AK5: variants seen among roughly 807,000 people sequenced by gnomAD.
AK5 encodes the protein adenylate kinase isoenzyme 5.
In AK5, 27 loss-of-function variants were observed where a neutral mutation model predicts 69.5. The observed-to-expected ratio is 0.39, with a 90% CI of 0.29 to 0.54. The LOEUF (loss-of-function observed/expected upper bound fraction) is 0.54. Ranked by LOEUF, AK5 falls within the 20% of genes least tolerant of loss-of-function variation. The pLI is 0.71. For synonymous variants in AK5, 260 were observed against 244.4 expected, an observed-to-expected ratio of 1.06 and a Z score of -0.60; for missense variants, 531 against 700.4, an observed-to-expected ratio of 0.76 and a Z score of 2.73.
rs1245535981 is a variant in AK5 at position 77,293,976 on chromosome 1, GC to G, written c.415+17del. The stretch of plus-strand genomic sequence containing the variant: ...CTTGTTATAGGTATGAGGACAGAAA[GC>G]AAAAATTCTCATACCGTTGCTGCCT... On this transcript the variant is annotated intron_variant, in intron 3 of 13. Transcript: ENST00000354567. 1.9e-6 allele frequency: 3 copies of G among 1,598,300 alleles called. No homozygotes were observed. Among genetic ancestry groups the G allele is most frequent in the Non-Finnish European group, 2.6e-6 (3 of 1,175,502 alleles).
chr1:77,539,329 G>T (rs1659149321), intron 13 of AK5, among the ~76,000 whole-genome samples: 1 of 152,204 alleles, frequency 6.6e-6, no homozygotes, highest in Admixed American at 6.5e-5. Flanking sequence ...TTTTGGAGAT[G>T]CTGGCTGCTG....
chr1:77,461,286 A>G (rs1209125698), intron 8 of AK5, among the ~76,000 whole-genome samples: 1 of 138,948 alleles, frequency 7.2e-6, no homozygotes, highest in South Asian at 2.3e-4. Flanking sequence ...ACCCACCTCG[A>G]CCTCCCAAAG....
chr1:77,536,984 C>T (rs1244440724), intron 13 of AK5, among the ~76,000 whole-genome samples: 2 of 152,110 alleles, frequency 1.3e-5, no homozygotes, highest in African/African-American at 4.8e-5. Flanking sequence ...TCCACTCATC[C>T]CATAACTATG....
chr1:77,418,355 G>A (rs1650566365), intron 8 of AK5, among the ~76,000 whole-genome samples: 1 of 152,136 alleles, frequency 6.6e-6, no homozygotes, highest in African/African-American at 2.4e-5. Flanking sequence ...CCGCCCCTGT[G>A]ATTCAGTCAT....
At chr1:77,434,920 TA>T (rs1651868248) in intron 8 of AK5, among the ~76,000 whole-genome samples, 1 of 152,150 alleles carries the variant, frequency 6.6e-6, no homozygotes, top group African/African-American at 2.4e-5. Flanking sequence ...CATGGCTCTT[TA>T]AAAAAGTGAA....
At chr1:77,491,451 C>T (rs1009919747) in intron 10 of AK5, among the ~76,000 whole-genome samples, 4 of 152,068 alleles carry the variant, frequency 2.6e-5, no homozygotes, top group East Asian at 1.9e-4. Flanking sequence ...GGATTACAGG[C>T]GCCTGCCATG....
At chr1:77,285,096 A>G (rs1376772998) in intron 1 of AK5, among the ~76,000 whole-genome samples, 3 of 152,204 alleles carry the variant, frequency 2.0e-5, no homozygotes, top group Non-Finnish European at 4.4e-5. Context: ...AGGAGTTTCT[A>G]GTTGAGTAAA....
chr1:77,473,137 T>G lies in AK5; in HGVS notation c.1060-10180T>G, dbSNP rs140753853. 2.6e-5 allele frequency among the ~76,000 whole-genome samples: 4 copies of G among 151,864 alleles called. No homozygotes were observed. In the East Asian group the frequency reaches 5.8e-4, roughly 22 times the overall value. ...TGGGAGGATTATTCTACCACAGAAC[T>G]CAGTAAATATTGGTTGAATTGTTGC... On this transcript the variant is annotated intron_variant, in intron 8 of 13. Coordinates refer to ENST00000354567, the MANE Select transcript of AK5 (RefSeq NM_174858.3).
At chr1:77,545,738 C>T (rs957140980) in intron 13 of AK5, among the ~76,000 whole-genome samples, 7 of 152,294 alleles carry the variant, frequency 4.6e-5, no homozygotes, top group Admixed American at 3.9e-4. Context: ...AGCAGTGCCC[C>T]ACCTTCACTG....
At position 77,530,243 on chromosome 1, in the gene AK5, A is replaced by G. The variant is rs1022374902; in HGVS notation, c.1429-5604A>G. ...TCTGCTCTCTTCTGATTCCCGGTTC[A>G]CTGCAGAACTTAGAGCTGCGTAATG... On this transcript the variant is annotated intron_variant, in intron 12 of 13. Transcript: ENST00000354567. Among the ~76,000 whole-genome samples, 6 of 152,178 alleles carry G rather than the reference A, an allele frequency of 3.9e-5. No individual in the cohort carries two copies. In the East Asian group the frequency reaches 1.2e-3, roughly 29 times the overall value.
intron 5 of AK5, among the ~76,000 whole-genome samples, chr1:77,325,272 TG>T (rs993336207): frequency 1.3e-5 from 2 of 152,000 alleles, no homozygotes; most frequent in Non-Finnish European, 2.9e-5. Flanking sequence ...CCCAAAGTGT[TG>T]GGATTACAGG....
intron 6 of AK5, among the ~76,000 whole-genome samples, chr1:77,343,690 G>A (rs1205028853): frequency 1.3e-5 from 2 of 152,154 alleles, no homozygotes; most frequent in Admixed American, 6.6e-5. Context: ...TCCTACCTCA[G>A]TGTGATTATG....
chr1:77,290,111 G>A (rs1279930247), intron 2 of AK5, among the ~76,000 whole-genome samples: 2 of 152,118 alleles, frequency 1.3e-5, no homozygotes, highest in Non-Finnish European at 2.9e-5. Context: ...GGATCTTTTA[G>A]TTAATCATCA....
At chr1:77,320,542 A>C (rs1660475457) in intron 5 of AK5, among the ~76,000 whole-genome samples, 1 of 152,096 alleles carries the variant, frequency 6.6e-6, no homozygotes, top group Admixed American at 6.5e-5. Context: ...TGAGGTCAGG[A>C]GTTTGGGACC....
chr1:77,290,841 A>G (rs1194708205), intron 2 of AK5, among the ~76,000 whole-genome samples: 3 of 152,206 alleles, frequency 2.0e-5, no homozygotes, highest in African/African-American at 7.2e-5. Context: ...AGGAAAGAAC[A>G]GACATGGCAC....
In AK5 at chr1:77,465,023, G is replaced by A. The variant is rs1461524300; in HGVS notation, c.1060-18294G>A. 3.9e-5 allele frequency among the ~76,000 whole-genome samples: 6 copies of A among 152,266 alleles called. No individual in the cohort carries two copies. In the East Asian group the frequency reaches 9.6e-4, roughly 24 times the overall value. Reference sequence around the variant, plus strand: ...ACTTTGTGGTTGCTCTTGGAAAGAGGGAGCAGCGTCTTCCCTTTGCTTCTC... The same window carrying A: ...ACTTTGTGGTTGCTCTTGGAAAGAGAGAGCAGCGTCTTCCCTTTGCTTCTC... On this transcript the variant is annotated intron_variant, in intron 8 of 13. Coordinates refer to ENST00000354567, the MANE Select transcript of AK5 (RefSeq NM_174858.3).
intron 8 of AK5, among the ~76,000 whole-genome samples, chr1:77,470,856 TATATATATATATATATA>T (rs1383817470): frequency 0.28 from 5,596 of 20,346 alleles, 1,143 homozygotes; most frequent in Non-Finnish European, 0.33. Context: ...TATATATATA[TATATATATATATATATA>T]TATTTTTTTT....
chr1:77,545,625 C>G (rs1302488474), intron 13 of AK5, among the ~76,000 whole-genome samples: 1 of 152,184 alleles, frequency 6.6e-6, no homozygotes, highest in Non-Finnish European at 1.5e-5. Context: ...TTCATTTCTA[C>G]TCCCCTGGCT....
intron 6 of AK5, among the ~76,000 whole-genome samples, chr1:77,404,696 A>G (rs1649500370): frequency 1.3e-5 from 2 of 152,218 alleles, no homozygotes; most frequent in South Asian, 2.1e-4. Flanking sequence ...TGGTCCTGAT[A>G]TAAGAGTAAA....
Sources: gnomAD v4.1 joint callset for allele counts (sites outside exome capture counted in the v4.1 genomes callset) on GRCh38, gnomAD v4.1.1 for gene constraint, MANE v1.5 for transcripts, NCBI Gene and HGNC (gene_info 2026-07-23, HGNC 2026-07-21) for gene names.